The following CASP6 variants were observed in gnomAD, a reference collection of about 807,000 sequenced individuals.
CASP6 encodes the protein caspase 6, also known as caspase-6.
A neutral mutation model predicts 31.8 loss-of-function variants in CASP6; 20 were observed. The observed-to-expected ratio is 0.63, with a 90% CI of 0.44 to 0.91. The LOEUF is 0.91. Among genes scored for constraint, CASP6 ranks in the 40% least tolerant of loss-of-function variants. The pLI, the probability that CASP6 is intolerant of heterozygous loss-of-function variation, is 0.00. For synonymous variants in CASP6, 130 were observed against 127.8 expected (o/e 1.02, Z -0.12); for missense variants, 328 against 361.1 (o/e 0.91, Z 0.74).
chr4:109,689,481 T>TC lies in CASP6; in HGVS notation c.730dup (p.Glu244GlyfsTer41), dbSNP rs1729963035. The stretch of plus-strand genomic sequence containing the variant: ...CACCAGTGTGAGGAGTTCTGTGAAC[T>TC]CTAAGGAGGAGCCATATTTTCCCAA... On this transcript the variant is annotated frameshift_variant, in exon 7 of 7. Coordinates refer to ENST00000265164, the MANE Select transcript of CASP6 (RefSeq NM_001226.4). LOFTEE classifies it high-confidence loss of function. 2.5e-6 allele frequency: 4 copies of TC among 1,614,096 alleles called. No homozygotes were observed. The highest frequency in any genetic ancestry group is 3.4e-6 in the Non-Finnish European group (4 of 1,180,056).
rs1730033531 is a variant in CASP6 at position 109,690,950 on chromosome 4, CTGAT to C, written c.539_542del (p.Asn180ArgfsTer9). 1 of 1,613,992 alleles carries C rather than the reference CTGAT, an allele frequency of 6.2e-7. No homozygotes were observed. Among genetic ancestry groups the C allele is most frequent in the Non-Finnish European group, 8.5e-7 (1 of 1,179,920 alleles). On this transcript the variant is annotated frameshift_variant, in exon 6 of 7. Coordinates refer to ENST00000265164, the MANE Select transcript of CASP6 (RefSeq NM_001226.4). LOFTEE classifies it high-confidence loss of function. ...TTATGTTGGTGTCCAACTTCTCTGT[CTGAT>C]TATCTACTACATCCAAAGGAATGAC...
At chr4:109,697,820 G>C (rs1561261883) in intron 2 of CASP6, 52 bp from the exon 3 acceptor site, 2 of 1,578,502 alleles carry the variant, frequency 1.3e-6, no homozygotes, top group Admixed American at 3.5e-5. Context: ...TAAATAATGA[G>C]CCCCTCCAAG....
upstream of CASP6, among the ~76,000 whole-genome samples, chr4:109,707,597 G>GCTGGTATCAAACTCCCGAC (rs1212773374): frequency 2.0e-5 from 3 of 151,970 alleles, no homozygotes; most frequent in East Asian, 3.9e-4. Context: ...TGTTGGTCAG[G>GCTGGTATCAAACTCCCGAC]CTGGTATCAA....
upstream of CASP6, among the ~76,000 whole-genome samples, chr4:109,706,096 G>C (rs1730604614): frequency 9.3e-6 from 1 of 108,062 alleles, no homozygotes; most frequent in African/African-American, 3.6e-5. Flanking sequence ...CACACTGGGT[G>C]GTATTTTACA....
chr4:109,678,724 G>A, the CASP6 span, among the ~76,000 whole-genome samples: 1 of 146,762 alleles, frequency 6.8e-6, no homozygotes, highest in Non-Finnish European at 1.5e-5. Context: ...GCCAAGCAGA[G>A]GCGCTCCCCA....
At chr4:109,703,725 A>C (rs1057127572), upstream of CASP6, 12 of 468,966 alleles carry the variant, frequency 2.6e-5, no homozygotes, top group Admixed American at 1.5e-4. Flanking sequence ...CAGACCGCCT[A>C]GCCCGAGGCA....
rs1011253340 is a variant in CASP6 at position 109,690,869 on chromosome 4, C to A, written c.624G>T (p.Met208Ile). 1 of 1,611,592 alleles carries A rather than the reference C, an allele frequency of 6.2e-7. No homozygotes were observed. Among genetic ancestry groups the A allele is most frequent in the African/African-American group, 1.3e-5 (1 of 74,822 alleles). ...YTLPAGADFLMCYSVAEGYYS... is the reference protein window; with the variant it reads ...YTLPAGADFLICYSVAEGYYS... ...ACACACCTTCTGCAACAGAGTAACA[C>A]ATGAGGAAGTCAGCTCCAGCAGGCA... The change falls in exon 6 of 7, where the codon ATG (methionine) becomes ATT (isoleucine). Residue 208 changes from methionine to isoleucine, a missense_variant. By Grantham distance (10) the Met-to-Ile change is conservative. Transcript: ENST00000265164.
chr4:109,703,550 G>T, upstream of CASP6: 2 of 953,216 alleles, frequency 2.1e-6, no homozygotes, highest in Non-Finnish European at 3.1e-6. Flanking sequence ...CCGGGCTCCC[G>T]TGGATCGGGC....
At chr4:109,708,095 C>T (rs1210790171), upstream of CASP6, among the ~76,000 whole-genome samples, 1 of 152,082 alleles carries the variant, frequency 6.6e-6, no homozygotes, top group Non-Finnish European at 1.5e-5. Flanking sequence ...ATAAGGAACT[C>T]ATCTCATACT....
chr4:109,664,986 A>G, the CASP6 span, among the ~76,000 whole-genome samples: 1 of 152,190 alleles, frequency 6.6e-6, no homozygotes, highest in Non-Finnish European at 1.5e-5. Flanking sequence ...TTAGGTTCAA[A>G]GCAAAATCGA....
the CASP6 span, among the ~76,000 whole-genome samples, chr4:109,680,280 C>T: frequency 6.6e-6 from 1 of 152,140 alleles, no homozygotes; most frequent in Non-Finnish European, 1.5e-5. Flanking sequence ...GGATAGGTAC[C>T]AGTTAACAAA....
chr4:109,689,508 A>G lies in CASP6; in HGVS notation c.704T>C (p.Met235Thr), dbSNP rs764376974. Residue 235 changes from methionine (M) to threonine (T), a missense_variant, in exon 7 of 7, where the codon ATG (methionine) becomes ACG (threonine). Coordinates refer to ENST00000265164, the MANE Select transcript of CASP6 (RefSeq NM_001226.4). ...TAAGGAGGAGCCATATTTTCCCAACATCTCACACAAATCTTGAATGTACCA... is the reference window on the plus strand; with the variant it reads ...TAAGGAGGAGCCATATTTTCCCAACGTCTCACACAAATCTTGAATGTACCA... ...GSWYIQDLCEMLGKYGSSLEF... is the reference protein window; with the variant it reads ...GSWYIQDLCETLGKYGSSLEF... 3 of 1,614,190 alleles carry G rather than the reference A, an allele frequency of 1.9e-6. No homozygotes were observed.
At chr4:109,667,459 CTTG>C in the CASP6 span, among the ~76,000 whole-genome samples, 4 of 151,568 alleles carry the variant, frequency 2.6e-5, no homozygotes, top group African/African-American at 7.3e-5. Context: ...CCATGAGTAA[CTTG>C]TTGTCTCTTT....
chr4:109,685,280 G>A (rs1244749701), downstream of CASP6: 1 of 1,537,784 alleles, frequency 6.5e-7, no homozygotes, highest in East Asian at 2.2e-5. Flanking sequence ...TTAAGAGTAG[G>A]CAATTTCTTC....
chr4:109,694,676 G>C lies in CASP6; in HGVS notation c.332C>G (p.Ala111Gly). 6.3e-7 allele frequency: 1 copy of C among 1,599,224 alleles called. No individual in the cohort carries two copies. The highest frequency in any genetic ancestry group is 2.3e-5 in the East Asian group (1 of 44,246). ...CAGGAAGACACACACAAAGCAATCG[G>C]CATCTGCGTGGCTAACAGTTGACAC... ...HEVSTVSHAD[A>G]DCFVCVFLSH... The change falls in exon 5 of 7, where the codon GCC becomes GGC. Residue 111 changes from alanine (A) to glycine (G), a missense_variant. Transcript: ENST00000265164.
At chr4:109,686,295 C>T (rs1729834684), downstream of CASP6, among the ~76,000 whole-genome samples, 1 of 152,216 alleles carries the variant, frequency 6.6e-6, no homozygotes, top group South Asian at 2.1e-4. Context: ...CCCGCCACCA[C>T]ACCTGGTTAC....
upstream of CASP6, among the ~76,000 whole-genome samples, chr4:109,708,422 G>A (rs1561267707): frequency 6.6e-6 from 1 of 152,212 alleles, no homozygotes; most frequent in Non-Finnish European, 1.5e-5. Context: ...GTTGGAAACA[G>A]CAGTGGCATT....
At chr4:109,678,546 C>T in the CASP6 span, among the ~76,000 whole-genome samples, 5 of 148,156 alleles carry the variant, frequency 3.4e-5, no homozygotes, top group African/African-American at 1.3e-4. Flanking sequence ...CCTCACATCC[C>T]AGACGGGGCG....
At position 109,697,659 on chromosome 4, in the gene CASP6, G is replaced by GC; in HGVS notation, c.192dup (p.Arg65AlafsTer7). On this transcript the variant is annotated frameshift_variant, in exon 3 of 7. Coordinates refer to ENST00000265164, the MANE Select transcript of CASP6 (RefSeq NM_001226.4). LOFTEE classifies it high-confidence loss of function. Reference sequence around the variant, plus strand: ...TTGTCTCTATCTGCGCAGGTGCCCCGCCTTTCTGGCAGTGTTAAGTGCCAA... The same window carrying GC: ...TTGTCTCTATCTGCGCAGGTGCCCCGCCCTTTCTGGCAGTGTTAAGTGCCAA... 1 of 1,613,560 alleles carries GC rather than the reference G, an allele frequency of 6.2e-7. No homozygotes were observed. The highest frequency in any genetic ancestry group is 8.5e-7 in the Non-Finnish European group (1 of 1,179,798).
Sources: gnomAD v4.1 joint callset for allele counts (sites outside exome capture counted in the v4.1 genomes callset) on GRCh38, gnomAD v4.1.1 for gene constraint, MANE v1.5 for transcripts, NCBI Gene and HGNC (gene_info 2026-07-23, HGNC 2026-07-21) for gene names.